WDFY1: variants seen among roughly 807,000 people sequenced by gnomAD.
WDFY1 encodes WD repeat and FYVE domain containing 1, also known as WD repeat and FYVE domain-containing protein 1.
WDFY1 carries 32 observed loss-of-function variants against 56.4 expected under a neutral mutation model. The ratio of observed to expected loss-of-function variants is 0.57; its 90% CI spans 0.43 to 0.76. The LOEUF is 0.76. WDFY1 is among the 30% of genes least tolerant of loss of function. The pLI is 0.00. For missense variants in WDFY1, 480 were observed against 545.7 expected (o/e 0.88, Z 1.20); for synonymous variants, 192 against 197.3 (o/e 0.97, Z 0.23).
At chr2:223,899,142 T>A in intron 5 of WDFY1, 72 bp from the exon 6 acceptor site, 1 of 1,199,294 alleles carries the variant, frequency 8.3e-7, no homozygotes, top group African/African-American at 1.5e-5. Context: ...ATACCAGCAT[T>A]AGTCAAAGTT....
intron 6 of WDFY1, 101 bp from the exon 7 acceptor site, chr2:223,895,731 G>T: frequency 6.7e-7 from 1 of 1,496,864 alleles, no homozygotes; most frequent in Non-Finnish European, 9.0e-7. Context: ...ACCAAACTAG[G>T]AGCAGCTGAG....
intron 2 of WDFY1, among the ~76,000 whole-genome samples, chr2:223,916,885 G>C (rs1335478387): frequency 2.7e-5 from 4 of 150,138 alleles, no homozygotes; most frequent in African/African-American, 9.8e-5. Flanking sequence ...TGTGATTTCA[G>C]CTCACCACAA....
At chr2:223,920,272 G>A (rs74598742) in intron 1 of WDFY1, among the ~76,000 whole-genome samples, 2,435 of 152,324 alleles carry the variant, frequency 0.016, 58 homozygotes, top group African/African-American at 0.054. Context: ...CTGCTCAAGT[G>A]TGCCCAGGGG....
chr2:223,928,464 C>T (rs116412283), intron 1 of WDFY1, among the ~76,000 whole-genome samples: 2,637 of 152,240 alleles, frequency 0.017, 43 homozygotes, highest in Middle Eastern at 0.031. Context: ...AGAAAAGATA[C>T]GGAGGCTGAG....
chr2:223,881,908 A>G, intron 10 of WDFY1, 34 bp downstream of exon 10: 1 of 1,610,430 alleles, frequency 6.2e-7, no homozygotes, highest in Non-Finnish European at 8.5e-7. Context: ...AGATGTAATA[A>G]GAGGCAATGA....
At chr2:223,925,352 A>G (rs1693961812) in intron 1 of WDFY1, among the ~76,000 whole-genome samples, 1 of 152,214 alleles carries the variant, frequency 6.6e-6, no homozygotes, top group South Asian at 2.1e-4. Flanking sequence ...CTGTAGTTAC[A>G]CTATAGTCTG....
At chr2:223,921,952 C>G (rs140900539) in intron 1 of WDFY1, among the ~76,000 whole-genome samples, 1 of 152,328 alleles carries the variant, frequency 6.6e-6, no homozygotes, top group Non-Finnish European at 1.5e-5. Flanking sequence ...TGCTCCACCT[C>G]CAGTGTGCTG....
At position 223,877,915 on chromosome 2, in the gene WDFY1, G is replaced by T. The variant is rs572850576; in HGVS notation, c.*756C>A. Reference sequence around the variant, plus strand: ...GTCAGGCGGCTTGTGTGACTCCCATGTTAACAGCACCATAAAAAAGTTTTG... The same window carrying T: ...GTCAGGCGGCTTGTGTGACTCCCATTTTAACAGCACCATAAAAAAGTTTTG... On this transcript the variant is annotated 3_prime_UTR_variant, in exon 12 of 12. Transcript: ENST00000233055. 6.5e-6 allele frequency: 1 copy of T among 152,686 alleles called. No homozygotes were observed. Among genetic ancestry groups the T allele is most frequent in the Admixed American group, 6.5e-5 (1 of 15,292 alleles). 9.5% of individuals were successfully genotyped at this position (152,686 alleles called of 1,614,324 possible). A position where few individuals can be genotyped will look rare whatever the true frequency, so the allele number is the denominator to read the frequency against.
chr2:223,901,086 T>A, intron 5 of WDFY1, 97 bp downstream of exon 5: 1 of 1,409,946 alleles, frequency 7.1e-7, no homozygotes, highest in Non-Finnish European at 9.4e-7. Context: ...TAGGTTTCAT[T>A]CAGTCTTTAG....
chr2:223,929,575 C>T lies in WDFY1; in HGVS notation c.138-11565G>A, dbSNP rs551904312. Among the ~76,000 whole-genome samples, 4 of 152,272 alleles carry T rather than the reference C, an allele frequency of 2.6e-5. No individual in the cohort carries two copies. The East Asian group carries it at 7.7e-4, about 29-fold the overall frequency. ...TGCATTCTAGACACACATCAAGATT[C>T]GTGAAAAGCAACTCTGTGATTTCCC... On this transcript the variant is annotated intron_variant, in intron 1 of 11. Transcript: ENST00000233055.
intron 1 of WDFY1, among the ~76,000 whole-genome samples, chr2:223,934,663 G>A (rs915040668): frequency 1.3e-5 from 2 of 152,072 alleles, no homozygotes; most frequent in Non-Finnish European, 2.9e-5. Flanking sequence ...TGGGATTACA[G>A]GCATCTGCCA....
intron 5 of WDFY1, among the ~76,000 whole-genome samples, chr2:223,899,991 C>A (rs114005568): frequency 6.6e-6 from 1 of 152,150 alleles, no homozygotes; most frequent in South Asian, 2.1e-4. Flanking sequence ...TTATTTGTGG[C>A]GGTAGTACAT....
intron 1 of WDFY1, among the ~76,000 whole-genome samples, chr2:223,942,162 A>T (rs1313370002): frequency 6.6e-6 from 1 of 152,192 alleles, no homozygotes; most frequent in African/African-American, 2.4e-5. Flanking sequence ...TCAAATATTT[A>T]GCAACTTACC....
chr2:223,919,632 C>T (rs1335038934), intron 1 of WDFY1, among the ~76,000 whole-genome samples: 1 of 152,170 alleles, frequency 6.6e-6, no homozygotes, highest in Middle Eastern at 3.2e-3. Context: ...ACCTCAGGAC[C>T]CCAAGGTGCT....
At chr2:223,898,121 T>C (rs1329793189) in intron 6 of WDFY1, among the ~76,000 whole-genome samples, 3 of 152,122 alleles carry the variant, frequency 2.0e-5, no homozygotes, top group Admixed American at 6.6e-5. Context: ...ATACAATCAA[T>C]GGACTTTAAA....
At chr2:223,911,067 C>T (rs959130899) in intron 3 of WDFY1, among the ~76,000 whole-genome samples, 1 of 152,156 alleles carries the variant, frequency 6.6e-6, no homozygotes, top group African/African-American at 2.4e-5. Flanking sequence ...GAATGCTATT[C>T]CACTGCAAAA....
chr2:223,914,530 G>A (rs993138077), intron 2 of WDFY1, among the ~76,000 whole-genome samples: 2 of 152,142 alleles, frequency 1.3e-5, no homozygotes, highest in African/African-American at 2.4e-5. Flanking sequence ...TTGCATGATA[G>A]GAAGGCAGAA....
intron 8 of WDFY1, among the ~76,000 whole-genome samples, chr2:223,891,106 T>C (rs1250841415): frequency 1.3e-5 from 2 of 152,136 alleles, no homozygotes; most frequent in Non-Finnish European, 2.9e-5. Context: ...CCAGGCACGG[T>C]GGCTCATGCC....
intron 3 of WDFY1, among the ~76,000 whole-genome samples, chr2:223,911,818 CT>C (rs11311685): frequency 0.88 from 125,091 of 141,424 alleles, 55,239 homozygotes; most frequent in Admixed American, 0.92. Context: ...CTGAATTAAA[CT>C]TTTTTTTTTT....
Sources: allele counts gnomAD v4.1 joint callset (sites outside exome capture counted in the v4.1 genomes callset), GRCh38; gene constraint gnomAD v4.1.1; transcripts MANE v1.5; gene names NCBI Gene and HGNC (gene_info 2026-07-23, HGNC 2026-07-21).